Variants in SPSB2 observed in about 807,000 individuals in gnomAD.
SPSB2 encodes the protein splA/ryanodine receptor domain and SOCS box containing 2.
Under a neutral mutation model 19.2 loss-of-function variants are expected in SPSB2, and 25 were observed. That is an observed-to-expected ratio of 1.30 (90% CI 0.95 to 1.82). SPSB2 has a LOEUF of 1.82. SPSB2 is among the 40% of genes most tolerant of loss of function. The probability of loss-of-function intolerance (pLI) is 0.00; values close to 1 mark genes in which losing one functional copy is unlikely to be tolerated. For synonymous variants in SPSB2, 153 were observed against 154.9 expected (o/e 0.99, Z 0.09); for missense variants, 413 against 344.9 (o/e 1.20, Z -1.56).
Position 6,871,274 on chromosome 12 carries a change from T to TGGC in SPSB2, c.707_709dup (p.Arg236dup), listed in dbSNP as rs1555133360. 6.2e-7 allele frequency: 1 copy of TGGC among 1,614,002 alleles called. No individual in the cohort carries two copies. Among genetic ancestry groups the TGGC allele is most frequent in the Non-Finnish European group, 8.5e-7 (1 of 1,180,002 alleles). The stretch of plus-strand genomic sequence containing the variant: ...GCCGAGCCGGGTATCCCCCAGGTTG[T>TGGC]GGCGCACACACAGGCGGCTCAGGTG... On this transcript the variant is annotated inframe_insertion, in exon 3 of 3. Coordinates refer to ENST00000524270, the MANE Select transcript of SPSB2 (RefSeq NM_032641.4).
chr12:6,872,663 C>T lies in SPSB2; in HGVS notation c.239G>A (p.Gly80Asp), dbSNP rs1565541196. The T allele has an allele frequency of 1.3e-5, 21 of 1,612,226 alleles. No homozygotes were observed. Among genetic ancestry groups the T allele is most frequent in the South Asian group, 2.2e-5 (2 of 91,092 alleles). ...PVAQSTDGARGKRGYSRGLHA... is the reference protein window; with the variant it reads ...PVAQSTDGARDKRGYSRGLHA... Reference sequence around the variant, plus strand: ...CAGGCCCCTTGAATAGCCCCTCTTACCCCGGGCCCCATCAGTGCTCTGGGC... The same window carrying T: ...CAGGCCCCTTGAATAGCCCCTCTTATCCCGGGCCCCATCAGTGCTCTGGGC... Residue 80 changes from glycine to aspartate, a missense_variant, in exon 2 of 3, where the codon GGT becomes GAT. Transcript: ENST00000524270.
At position 6,872,982 on chromosome 12, in the gene SPSB2, T is replaced by C. The variant is rs1428344089; in HGVS notation, c.-81A>G. 6 of 1,025,126 alleles carry C rather than the reference T, an allele frequency of 5.9e-6. No homozygotes were observed. Among genetic ancestry groups the C allele is most frequent in the South Asian group, 1.7e-5 (1 of 59,816 alleles). 63.5% of individuals were successfully genotyped at this position (1,025,126 alleles called of 1,614,324 possible). ...TCTGAAAGTTGAGCTCCAGTTTGGA[T>C]TGACCTGGAAGGGAGCTGGGAGAAA... On this transcript the variant is annotated 5_prime_UTR_variant, in exon 2 of 3. Transcript: ENST00000524270.
In SPSB2 at chr12:6,872,327, C is replaced by T. The variant is rs1555133744; in HGVS notation, c.575G>A (p.Arg192His). Reference sequence around the variant, plus strand: ...ATAGAGGGTCCTGCCCTTCAGTCCGCGGAATGCTGGCCCCAGGTAGGTGCC... The same window carrying T: ...ATAGAGGGTCCTGCCCTTCAGTCCGTGGAATGCTGGCCCCAGGTAGGTGCC... ...IGGTYLGPAF[R>H]GLKGRTLYPA... Residue 192 changes from arginine (R) to histidine (H), a missense_variant, in exon 2 of 3, where the codon CGC becomes CAC. Transcript: ENST00000524270. 1 of 1,614,218 alleles carries T rather than the reference C, an allele frequency of 6.2e-7. No individual in the cohort carries two copies. Among genetic ancestry groups the T allele is most frequent in the Non-Finnish European group, 8.5e-7 (1 of 1,180,028 alleles).
chr12:6,872,503 C>T lies in SPSB2; in HGVS notation c.399G>A (p.Trp133Ter), dbSNP rs1555133894. 3 of 1,612,766 alleles carry T rather than the reference C, an allele frequency of 1.9e-6. No individual in the cohort carries two copies. The highest frequency in any genetic ancestry group is 1.7e-5 in the Admixed American group (1 of 60,020). Residue 133 changes from tryptophan to a stop codon, truncating the protein, a stop_gained, in exon 2 of 3, where the codon TGG (tryptophan) becomes TGA (stop). Transcript: ENST00000524270. LOFTEE classifies it high-confidence loss of function. The part of the protein sequence containing the change: ...LLGSNSESWG[W>*]DIGRGKLYHQ... ...GGTACAGCTTCCCCCGCCCGATGTC[C>T]CAGCCCCACGACTCGCTGTTGCTGC...
intron 2 of SPSB2, chr12:6,871,920 C>G (rs1591620793): frequency 7.7e-7 from 1 of 1,301,876 alleles, no homozygotes; most frequent in Non-Finnish European, 1.0e-6. Context: ...CAGTACCTAA[C>G]GCTTTGCACC....
Position 6,870,946 on chromosome 12 carries a change from A to G in SPSB2, c.*246T>C, listed in dbSNP as rs1944577046. Reference sequence around the variant, plus strand: ...AAAACAAGAACAGGTTTCTATAACAACATCTCTTACTATTTTTACTTGAAA... The same window carrying G: ...AAAACAAGAACAGGTTTCTATAACAGCATCTCTTACTATTTTTACTTGAAA... On this transcript the variant is annotated 3_prime_UTR_variant, in exon 3 of 3. Transcript: ENST00000524270. The G allele has an allele frequency of 4.4e-6, 3 of 679,216 alleles. No homozygotes were observed. The highest frequency in any genetic ancestry group is 1.8e-5 in the African/African-American group (1 of 55,830). The allele number at this position is 679,216 out of a possible 1,614,324, so 42.1% of individuals were successfully genotyped here.
intron 2 of SPSB2, 39 bp from the exon 3 acceptor site, chr12:6,871,358 G>A: frequency 1.9e-6 from 3 of 1,592,932 alleles, no homozygotes; most frequent in Non-Finnish European, 2.6e-6. Flanking sequence ...TATGGGTGCA[G>A]CCACCAGCCA....
intron 2 of SPSB2, chr12:6,871,768 G>A (rs2071070): frequency 0.3 from 108,622 of 365,906 alleles, 17,118 homozygotes; most frequent in African/African-American, 0.41. Flanking sequence ...TGGTGCCCAG[G>A]GCCCCAGTGT....
At chr12:6,873,051 G>C in intron 1 of SPSB2, 54 bp from the exon 2 acceptor site, 3 of 594,914 alleles carry the variant, frequency 5.0e-6, no homozygotes, top group Non-Finnish European at 8.8e-6. Flanking sequence ...CGTCACCCAG[G>C]TACCCCATCC....
In SPSB2 at chr12:6,872,504, C is replaced by T; in HGVS notation, c.398G>A (p.Trp133Ter). The T allele has an allele frequency of 6.2e-7, 1 of 1,612,718 alleles. No homozygotes were observed. Among genetic ancestry groups the T allele is most frequent in the African/African-American group, 1.3e-5 (1 of 75,068 alleles). Residue 133 changes from tryptophan (W) to a stop codon, truncating the protein, a stop_gained, in exon 2 of 3, where the codon TGG becomes TAG. Transcript: ENST00000524270. LOFTEE classifies it high-confidence loss of function. ...GTACAGCTTCCCCCGCCCGATGTCC[C>T]AGCCCCACGACTCGCTGTTGCTGCC... ...LLGSNSESWG[W>*]DIGRGKLYHQ...
rs1332850898 is a variant in SPSB2, at chr12:6,872,796, G to T, written c.106C>A (p.Pro36Thr). 3.7e-6 allele frequency: 6 copies of T among 1,611,998 alleles called. No homozygotes were observed. In the African/African-American group the frequency reaches 8.0e-5, roughly 22 times the overall value. The change falls in exon 2 of 3, where the codon CCC (proline) becomes ACC (threonine). Residue 36 changes from proline to threonine, a missense_variant. Pro to Thr is a conservative substitution (Grantham distance 38, BLOSUM62 -1). Coordinates refer to ENST00000524270, the MANE Select transcript of SPSB2 (RefSeq NM_032641.4). ...CGCTGGGCCCCCAGGTCAGGAGGGG[G>T]TGCAGACAGCAGCTCTTCCAAGCCC... ...PEGLEELLSA[P>T]PPDLGAQRRH...
At chr12:6,871,523 T>G in intron 2 of SPSB2, 2 of 623,086 alleles carry the variant, frequency 3.2e-6, no homozygotes, top group Non-Finnish European at 5.5e-6. Flanking sequence ...GGTGAAGAGC[T>G]GGCTAAGGCC....
At position 6,872,647 on chromosome 12, in the gene SPSB2, T is replaced by C. The variant is rs782172292; in HGVS notation, c.255A>G (p.Ser85=). The C allele has an allele frequency of 1.2e-6, 2 of 1,611,950 alleles. No individual in the cohort carries two copies. The highest frequency in any genetic ancestry group is 2.2e-5 in the South Asian group (2 of 91,090). The change falls in exon 2 of 3, where the codon TCA becomes TCG. Residue 85 remains serine (S), a synonymous_variant. Transcript: ENST00000524270. The stretch of plus-strand genomic sequence containing the variant: ...TGATCTCCCAGGCGTGCAGGCCCCT[T>C]GAATAGCCCCTCTTACCCCGGGCCC... ...TDGARGKRGY[S]RGLHAWEISW...
chr12:6,871,561 G>A (rs1489293988), intron 2 of SPSB2: 14 of 562,262 alleles, frequency 2.5e-5, no homozygotes, highest in Middle Eastern at 9.3e-4. Flanking sequence ...AGGTGGCTCT[G>A]ACAGTGGTGG....
chr12:6,872,805 G>T lies in SPSB2; in HGVS notation c.97C>A (p.Leu33Met). 1 of 1,612,012 alleles carries T rather than the reference G, an allele frequency of 6.2e-7. No homozygotes were observed. ...CCCAGGTCAGGAGGGGGTGCAGACA[G>T]CAGCTCTTCCAAGCCCTCGGGACAG... ...LSCPEGLEEL[L>M]SAPPPDLGAQ... The change falls in exon 2 of 3, where the codon CTG becomes ATG. Residue 33 changes from leucine (L) to methionine (M), a missense_variant. Leu to Met is a conservative substitution (Grantham distance 15). Transcript: ENST00000524270.
rs1944608794 is a variant in SPSB2 at position 6,872,203 on chromosome 12, C to G, written c.664+35G>C. 3.1e-6 allele frequency: 5 copies of G among 1,613,926 alleles called. No individual in the cohort carries two copies. The East Asian group carries it at 1.1e-4, about 36-fold the overall frequency. On this transcript the variant is annotated intron_variant, in intron 2 of 2. Transcript: ENST00000524270. ...CATCCCAAACCACTGCCACCAGGGA[C>G]AGAAAGTTCTCCCCACGTCTGCCCC...
chr12:6,872,691 C>T lies in SPSB2; in HGVS notation c.211G>A (p.Val71Met), dbSNP rs1555134073. The T allele has an allele frequency of 2.5e-6, 4 of 1,612,558 alleles. No individual in the cohort carries two copies. Among genetic ancestry groups the T allele is most frequent in the East Asian group, 2.2e-5 (1 of 44,894 alleles). ...EGGLYFERRP[V>M]AQSTDGARGK... ...CGGGCCCCATCAGTGCTCTGGGCCA[C>T]GGGCCGCCGCTCAAAGTACAACCCT... Residue 71 changes from valine (V) to methionine (M), a missense_variant, in exon 2 of 3, where the codon GTG becomes ATG. Transcript: ENST00000524270.
At position 6,872,967 on chromosome 12, in the gene SPSB2, G is replaced by A. The variant is rs1944631097; in HGVS notation, c.-66C>T. On this transcript the variant is annotated 5_prime_UTR_variant, in exon 2 of 3. Transcript: ENST00000524270. ...GGGGCGTCTTTCTCTTCTGAAAGTT[G>A]AGCTCCAGTTTGGATTGACCTGGAA... The A allele has an allele frequency of 8.4e-7, 1 of 1,192,718 alleles. No homozygotes were observed. The highest frequency in any genetic ancestry group is 1.2e-6 in the Non-Finnish European group (1 of 852,916). The allele number at this position is 1,192,718 out of a possible 1,614,324, so 73.9% of individuals were successfully genotyped here. A position where few individuals can be genotyped will look rare whatever the true frequency, so the allele number is the denominator to read the frequency against.
At position 6,871,306 on chromosome 12, in the gene SPSB2, G is replaced by C; in HGVS notation, c.678C>G (p.Ser226=). The C allele has an allele frequency of 6.2e-7, 1 of 1,613,552 alleles. No individual in the cohort carries two copies. Among genetic ancestry groups the C allele is most frequent in the Non-Finnish European group, 8.5e-7 (1 of 1,179,874 alleles). ...CACACAGGCGGCTCAGGTGCAGAAGGGAGTGTGGCTCCGCTGGGAGAGAGA... is the reference window on the plus strand; with the variant it reads ...CACACAGGCGGCTCAGGTGCAGAAGCGAGTGTGGCTCCGCTGGGAGAGAGA... ...YLGERRAEPH[S]LLHLSRLCVR... Residue 226 remains serine (S), a synonymous_variant, in exon 3 of 3, where the codon TCC becomes TCG. Transcript: ENST00000524270.
Sources: gnomAD v4.1 joint callset for allele counts on GRCh38, gnomAD v4.1.1 for gene constraint, MANE v1.5 for transcripts, NCBI Gene and HGNC (gene_info 2026-07-23, HGNC 2026-07-21) for gene names.